GFRA1: variants seen among roughly 807,000 people sequenced by gnomAD.
GFRA1 encodes the protein GDNF family receptor alpha-1.
GFRA1 carries 16 observed loss-of-function variants against 51.6 expected under a neutral mutation model. The observed-to-expected ratio is 0.31, with a 90% CI of 0.21 to 0.47. GFRA1 has a LOEUF of 0.47. GFRA1 is among the 20% of genes least tolerant of loss of function. The pLI, the probability that GFRA1 is intolerant of heterozygous loss-of-function variation, is 1.00. For missense variants in GFRA1, 530 were observed against 594.3 expected (o/e 0.89, Z 1.13); for synonymous variants, 270 against 241.3 (o/e 1.12, Z -1.10).
chr10:116,070,978 T>A (rs2133794015), intron 9 of GFRA1, among the ~76,000 whole-genome samples: 1 of 152,304 alleles, frequency 6.6e-6, no homozygotes, highest in South Asian at 2.1e-4. Flanking sequence ...TCCAGTAAAG[T>A]CAGCTGCGTA....
intron 5 of GFRA1, among the ~76,000 whole-genome samples, chr10:116,188,522 A>AACCCCAGAGCTGAGG (rs1962943427): frequency 1.3e-5 from 2 of 152,184 alleles, no homozygotes; most frequent in Non-Finnish European, 2.9e-5. Context: ...ATGATGAAAA[A>AACCCCAGAGCTGAGG]GTCCTGGAGA....
intron 5 of GFRA1, among the ~76,000 whole-genome samples, chr10:116,138,637 C>CG (rs942870819): frequency 1.6e-5 from 2 of 127,102 alleles, no homozygotes; most frequent in African/African-American, 2.9e-5. Flanking sequence ...TGGTAGGAAC[C>CG]CCCCCCCGAC....
At chr10:116,174,879 A>G (rs1186304008) in intron 5 of GFRA1, among the ~76,000 whole-genome samples, 1 of 152,122 alleles carries the variant, frequency 6.6e-6, no homozygotes, top group Non-Finnish European at 1.5e-5. Flanking sequence ...ATTGGCTCTG[A>G]GTGAGCTATG....
intron 9 of GFRA1, among the ~76,000 whole-genome samples, chr10:116,073,590 T>C (rs999332666): frequency 6.6e-6 from 1 of 152,196 alleles, no homozygotes; most frequent in African/African-American, 2.4e-5. Flanking sequence ...TCAGCATTAA[T>C]GGTATAAAGG....
chr10:116,165,200 C>T (rs1009103585), intron 5 of GFRA1, among the ~76,000 whole-genome samples: 4 of 152,286 alleles, frequency 2.6e-5, no homozygotes, highest in African/African-American at 4.8e-5. Flanking sequence ...GCCTTTAACA[C>T]GTCCTAGTCC....
chr10:116,117,826 G>T (rs992529939), intron 6 of GFRA1, among the ~76,000 whole-genome samples: 1 of 152,092 alleles, frequency 6.6e-6, no homozygotes, highest in African/African-American at 2.4e-5. Context: ...GTACTAAATT[G>T]TGTCCCTCTG....
At chr10:116,146,521 C>T (rs1294962179) in intron 5 of GFRA1, among the ~76,000 whole-genome samples, 1 of 152,234 alleles carries the variant, frequency 6.6e-6, no homozygotes, top group African/African-American at 2.4e-5. Context: ...ACATTCACAT[C>T]CCTGTATGAC....
At chr10:116,209,003 A>G (rs997103926) in intron 5 of GFRA1, among the ~76,000 whole-genome samples, 1 of 152,214 alleles carries the variant, frequency 6.6e-6, no homozygotes, top group African/African-American at 2.4e-5. Context: ...GCTCCTTGAA[A>G]ACATGGCCCC....
At chr10:116,267,609 G>A (rs1969766031) in intron 4 of GFRA1, among the ~76,000 whole-genome samples, 1 of 152,144 alleles carries the variant, frequency 6.6e-6, no homozygotes, top group Non-Finnish European at 1.5e-5. Context: ...CAGTACAAAG[G>A]AGGAGTCCAC....
chr10:116,119,708 T>G (rs1299602241), intron 6 of GFRA1, among the ~76,000 whole-genome samples: 1 of 152,198 alleles, frequency 6.6e-6, no homozygotes, highest in Non-Finnish European at 1.5e-5. Context: ...ATGTCCTTGA[T>G]CTCTAAGATC....
rs1466992042 is a variant in GFRA1 at position 116,125,517 on chromosome 10, C to A, written c.474G>T (p.Ala158=). 1 of 1,614,076 alleles carries A rather than the reference C, an allele frequency of 6.2e-7. No individual in the cohort carries two copies. The highest frequency in any genetic ancestry group is 8.5e-7 in the Non-Finnish European group (1 of 1,180,006). The part of the protein sequence containing the change: ...IPKGNNCLDA[A]KACNLDDICK... ...AAATGTCGTCGAGGTTGCAGGCCTTCGCTGCATCCAGGCAGTTGTTCCCTT... is the reference window on the plus strand; with the variant it reads ...AAATGTCGTCGAGGTTGCAGGCCTTAGCTGCATCCAGGCAGTTGTTCCCTT... The change falls in exon 6 of 11, where the codon GCG becomes GCT. Residue 158 remains alanine (A), a synonymous_variant. Coordinates refer to ENST00000355422, the MANE Select transcript of GFRA1 (RefSeq NM_005264.8).
At position 116,112,776 on chromosome 10, in the gene GFRA1, T is replaced by G. The variant is rs571583796; in HGVS notation, c.770+12445A>C. Among the ~76,000 whole-genome samples the G allele has an allele frequency of 5.3e-5, 8 of 152,300 alleles. No individual in the cohort carries two copies. The East Asian group carries it at 1.2e-3, about 22-fold the overall frequency. On this transcript the variant is annotated intron_variant, in intron 6 of 10. Coordinates refer to ENST00000355422, the MANE Select transcript of GFRA1 (RefSeq NM_005264.8). ...CGACCGCACAGCTGACGGTAGATGCTCCAAGGTTCTCTAATTACTCAACCC... is the reference window on the plus strand; with the variant it reads ...CGACCGCACAGCTGACGGTAGATGCGCCAAGGTTCTCTAATTACTCAACCC...
rs1229600050 is a variant in GFRA1, at chr10:116,125,280, C to G, written c.711G>C (p.Glu237Asp). ...AATTCAAACAGTTGGGCTTCTCCCT[C>G]TCTTCATAGGAGCACACAGGCACGA... ...QTIVPVCSYE[E>D]REKPNCLNLQ... The change falls in exon 6 of 11, where the codon GAG becomes GAC. Residue 237 changes from glutamate to aspartate, a missense_variant. Glu to Asp is a conservative substitution (Grantham distance 45, BLOSUM62 2). Coordinates refer to ENST00000355422, the MANE Select transcript of GFRA1 (RefSeq NM_005264.8). 2 of 1,614,244 alleles carry G rather than the reference C, an allele frequency of 1.2e-6. No individual in the cohort carries two copies. Among genetic ancestry groups the G allele is most frequent in the Non-Finnish European group, 1.7e-6 (2 of 1,180,054 alleles).
chr10:116,112,279 A>G (rs1386893433), intron 6 of GFRA1, among the ~76,000 whole-genome samples: 1 of 152,170 alleles, frequency 6.6e-6, no homozygotes, highest in African/African-American at 2.4e-5. Flanking sequence ...CTGTTAGATG[A>G]AGCCAGCTAA....
intron 5 of GFRA1, among the ~76,000 whole-genome samples, chr10:116,164,621 TA>T (rs769930003): frequency 1.8e-4 from 28 of 152,358 alleles, no homozygotes; most frequent in Admixed American, 9.1e-4. Context: ...TTGGGTCTTT[TA>T]ATGCCAGATC....
At chr10:116,151,829 G>C (rs1959076242) in intron 5 of GFRA1, among the ~76,000 whole-genome samples, 1 of 152,198 alleles carries the variant, frequency 6.6e-6, no homozygotes, top group Non-Finnish European at 1.5e-5. Flanking sequence ...TAGTGGAAGA[G>C]AGAAGCCAGG....
At chr10:116,189,299 C>A (rs1448311998) in intron 5 of GFRA1, among the ~76,000 whole-genome samples, 1 of 152,142 alleles carries the variant, frequency 6.6e-6, no homozygotes, top group Non-Finnish European at 1.5e-5. Context: ...TCATCCAAAT[C>A]ATAACTCCAG....
chr10:116,082,913 T>A (rs1833902531), intron 9 of GFRA1, among the ~76,000 whole-genome samples: 1 of 152,320 alleles, frequency 6.6e-6, no homozygotes, highest in African/African-American at 2.4e-5. Context: ...CTCTAATGCA[T>A]CTCACCAACC....
chr10:116,099,546 C>G, intron 6 of GFRA1, among the ~76,000 whole-genome samples: 1 of 152,126 alleles, frequency 6.6e-6, no homozygotes, highest in East Asian at 1.9e-4. Flanking sequence ...AGCTCCACTC[C>G]CCCATCCCAC....
Sources: gnomAD v4.1 joint callset for allele counts (sites outside exome capture counted in the v4.1 genomes callset) on GRCh38, gnomAD v4.1.1 for gene constraint, MANE v1.5 for transcripts, NCBI Gene and HGNC (gene_info 2026-07-23, HGNC 2026-07-21) for gene names.